The following TTLL5 variants were observed in gnomAD, a reference collection of about 807,000 sequenced individuals.
The protein encoded by TTLL5 is tubulin polyglutamylase TTLL5.
In TTLL5, 132 loss-of-function variants were observed where a neutral mutation model predicts 168.4. The observed-to-expected ratio is 0.78, with a 90% CI of 0.68 to 0.91. The LOEUF is 0.91. TTLL5 is among the 40% of genes least tolerant of loss of function. The pLI is 0.00. For missense variants in TTLL5, 1,545 were observed against 1,581.5 expected (o/e 0.98, Z 0.39); for synonymous variants, 546 against 558.6 (o/e 0.98, Z 0.32).
In TTLL5 at chr14:75,916,146, G is replaced by A. The variant is rs567490963; in HGVS notation, c.3823+13922G>A. 6.2e-3 allele frequency among the ~76,000 whole-genome samples: 878 copies of A among 140,840 alleles called. 12 individuals are homozygous for A. Among genetic ancestry groups the A allele is most frequent in the African/African-American group, 0.021 (837 of 39,160 alleles). The allele number at this position is 140,840 out of a possible 152,430, so 92.4% of individuals were successfully genotyped here. On this transcript the variant is annotated intron_variant, in intron 31 of 31. Transcript: ENST00000298832. Reference sequence around the variant, plus strand: ...CACAAGAAACAGAGAGATAGAGAGGGATGAGGGGAGGAGAGGGAGGGGAAA... The same window carrying A: ...CACAAGAAACAGAGAGATAGAGAGGAATGAGGGGAGGAGAGGGAGGGGAAA...
chr14:75,698,827 C>T (rs1490308588), intron 6 of TTLL5, among the ~76,000 whole-genome samples: 1 of 151,800 alleles, frequency 6.6e-6, no homozygotes, highest in Non-Finnish European at 1.5e-5. Context: ...ACTGTTTGAG[C>T]CCCAGAGGTT....
intron 31 of TTLL5, among the ~76,000 whole-genome samples, chr14:75,915,180 G>A (rs749984038): frequency 1.3e-5 from 2 of 152,040 alleles, no homozygotes; most frequent in Non-Finnish European, 2.9e-5. Context: ...ACACTGAACT[G>A]TCTTTCTTAT....
rs778028809 is a variant in TTLL5, at chr14:75,745,532, G to A, written c.1438G>A (p.Gly480Ser). Residue 480 changes from glycine (G) to serine (S), a missense_variant, in exon 17 of 32, where the codon GGT becomes AGT. Gly to Ser is a moderately conservative substitution (Grantham distance 56). Coordinates refer to ENST00000298832, the MANE Select transcript of TTLL5 (RefSeq NM_015072.5). Reference protein sequence around the residue: ...RRVKEENDRRGGFIRIFPTSE... With the variant: ...RRVKEENDRRSGFIRIFPTSE... Reference sequence around the variant, plus strand: ...GGTGAAGGAGGAGAATGATCGGCGAGGTGGATTTATTCGCATATTTCCTAC... The same window carrying A: ...GGTGAAGGAGGAGAATGATCGGCGAAGTGGATTTATTCGCATATTTCCTAC... The A allele has an allele frequency of 5.6e-6, 9 of 1,613,740 alleles. No individual in the cohort carries two copies. Among genetic ancestry groups the A allele is most frequent in the Non-Finnish European group, 7.6e-6 (9 of 1,179,960 alleles).
At chr14:75,849,971 T>C (rs185173509) in intron 28 of TTLL5, among the ~76,000 whole-genome samples, 162 of 152,078 alleles carry the variant, frequency 1.1e-3, no homozygotes, top group African/African-American at 3.7e-3. Flanking sequence ...CTGGGCGTAG[T>C]AGTGTGCACC....
intron 21 of TTLL5, 124 bp downstream of exon 21, chr14:75,771,978 A>G: frequency 8.8e-7 from 1 of 1,131,080 alleles, no homozygotes; most frequent in Non-Finnish European, 1.2e-6. Flanking sequence ...ATTATGTAAG[A>G]AGGTTTTTAG....
chr14:75,724,905 A>T (rs1283481387), intron 12 of TTLL5, among the ~76,000 whole-genome samples: 1 of 152,230 alleles, frequency 6.6e-6, no homozygotes, highest in African/African-American at 2.4e-5. Context: ...GGATCAGTTG[A>T]AGAAAAACAG....
rs190146189 is a variant in TTLL5 at position 75,934,063 on chromosome 14, C to T, written c.3824-20361C>T. Among the ~76,000 whole-genome samples, 215 of 152,350 alleles carry T rather than the reference C, an allele frequency of 1.4e-3. 2 individuals are homozygous for T. Among genetic ancestry groups the T allele is most frequent in the African/African-American group, 5.0e-3 (209 of 41,584 alleles). On this transcript the variant is annotated intron_variant, in intron 31 of 31. Coordinates refer to ENST00000298832, the MANE Select transcript of TTLL5 (RefSeq NM_015072.5). ...TTATGGCAGCCCTATCAAGCGAATA[C>T]AGCTGGCTTATCCCATAGTGGCTGG...
At chr14:75,895,578 C>T (rs1287802744) in intron 30 of TTLL5, among the ~76,000 whole-genome samples, 2 of 151,984 alleles carry the variant, frequency 1.3e-5, no homozygotes, top group African/African-American at 4.8e-5. Context: ...ACCTATTACT[C>T]ATGCATTAAA....
chr14:75,892,719 G>A lies in TTLL5; in HGVS notation c.3741-9423G>A, dbSNP rs548884124. 2.4e-4 allele frequency among the ~76,000 whole-genome samples: 37 copies of A among 152,306 alleles called. No homozygotes were observed. In the South Asian group the frequency reaches 7.7e-3, roughly 32 times the overall value. ...AGTGTGCCCTCCTAATGGGAGAGTA[G>A]TAAAACTGGCATGAACCGACTAACT... is the stretch of plus-strand genomic sequence containing the variant. On this transcript the variant is annotated intron_variant, in intron 30 of 31. Transcript: ENST00000298832.
rs913319510 is a variant in TTLL5 at position 75,905,473 on chromosome 14, T to TA, written c.3823+3250dup. ...TTGGTATTATGAACATTAAATGAGA[T>TA]AGTGAATTGAAAGCTCTTAGCAGAG... On this transcript the variant is annotated intron_variant, in intron 31 of 31. Coordinates refer to ENST00000298832, the MANE Select transcript of TTLL5 (RefSeq NM_015072.5). Among the ~76,000 whole-genome samples the TA allele has an allele frequency of 5.9e-5, 9 of 152,340 alleles. No homozygotes were observed. In the East Asian group the frequency reaches 1.5e-3, roughly 26 times the overall value.
At chr14:75,760,863 C>A (rs1890592209) in intron 18 of TTLL5, among the ~76,000 whole-genome samples, 1 of 151,816 alleles carries the variant, frequency 6.6e-6, no homozygotes, top group Admixed American at 6.6e-5. Flanking sequence ...TTAGACATGA[C>A]ACAGAAAGCA....
chr14:75,671,796 T>A (rs985357013), intron 3 of TTLL5, among the ~76,000 whole-genome samples: 53 of 152,238 alleles, frequency 3.5e-4, no homozygotes, highest in African/African-American at 1.1e-3. Context: ...TTTAGGTTTG[T>A]CTGCATGTAA....
At chr14:75,735,964 A>T (rs576254980) in intron 15 of TTLL5, among the ~76,000 whole-genome samples, 17 of 151,530 alleles carry the variant, frequency 1.1e-4, no homozygotes, top group Middle Eastern at 3.4e-3. Context: ...CTTCTTATTT[A>T]AAAAAAAATC....
chr14:75,925,502 G>A lies in TTLL5; in HGVS notation c.3823+23278G>A, dbSNP rs531598840. On this transcript the variant is annotated intron_variant, in intron 31 of 31. Transcript: ENST00000298832. Reference sequence around the variant, plus strand: ...CACATCTCAGGCGATGGGCGGCCGGGCAGAGACGCTCCTCACTTCCTAGAT... The same window carrying A: ...CACATCTCAGGCGATGGGCGGCCGGACAGAGACGCTCCTCACTTCCTAGAT... Among the ~76,000 whole-genome samples the A allele has an allele frequency of 9.9e-4, 148 of 150,114 alleles. 1 individual carries two copies. The highest frequency in any genetic ancestry group is 1.7e-3 in the Non-Finnish European group (116 of 67,714).
At chr14:75,767,433 G>C (rs570418219) in intron 20 of TTLL5, among the ~76,000 whole-genome samples, 1 of 152,348 alleles carries the variant, frequency 6.6e-6, no homozygotes, top group South Asian at 2.1e-4. Context: ...CTTAATTGCA[G>C]TGATCTGGCA....
chr14:75,722,005 A>G (rs1422819010), intron 12 of TTLL5, among the ~76,000 whole-genome samples: 2 of 152,228 alleles, frequency 1.3e-5, no homozygotes, highest in Admixed American at 1.3e-4. Flanking sequence ...CTTAAATTGT[A>G]TAATAGAAAC....
chr14:75,822,846 A>G (rs910240835), intron 28 of TTLL5, among the ~76,000 whole-genome samples: 9 of 152,098 alleles, frequency 5.9e-5, no homozygotes, highest in African/African-American at 2.2e-4. Context: ...CTGGAGTCCT[A>G]TTCAGGCTTT....
intron 30 of TTLL5, among the ~76,000 whole-genome samples, chr14:75,893,219 G>A (rs1456644475): frequency 1.3e-5 from 2 of 152,108 alleles, no homozygotes; most frequent in African/African-American, 2.4e-5. Flanking sequence ...GACAAGCAAC[G>A]CTTTTAGAAA....
intron 28 of TTLL5, among the ~76,000 whole-genome samples, chr14:75,835,067 CCAAACAAACAAA>C (rs148388203): frequency 2.0e-5 from 3 of 152,096 alleles, no homozygotes; most frequent in African/African-American, 7.2e-5. Flanking sequence ...GACCCTGTCT[CCAAACAAACAAA>C]CAAACAAACA....
Sources: gnomAD v4.1 joint callset for allele counts (sites outside exome capture counted in the v4.1 genomes callset) on GRCh38, gnomAD v4.1.1 for gene constraint, MANE v1.5 for transcripts, NCBI Gene and HGNC (gene_info 2026-07-23, HGNC 2026-07-21) for gene names.